The following CLASP2 variants were observed in gnomAD, a reference collection of about 807,000 sequenced individuals.
The protein encoded by CLASP2 is CLIP-associating protein 2.
Under a neutral mutation model 194.4 loss-of-function variants are expected in CLASP2, and 47 were observed. The ratio of observed to expected loss-of-function variants is 0.24; its 90% CI spans 0.19 to 0.31. The LOEUF is 0.31. Among genes scored for constraint, CLASP2 ranks in the 10% least tolerant of loss-of-function variants. The pLI is 1.00. For synonymous variants in CLASP2, 619 were observed against 633.5 expected (o/e 0.98, Z 0.34); for missense variants, 1,445 against 1,823.6 (o/e 0.79, Z 3.78).
Position 33,620,407 on chromosome 3 carries a change from G to A in CLASP2, c.1182-669C>T, listed in dbSNP as rs113774327. Among the ~76,000 whole-genome samples, 980 of 152,266 alleles carry A rather than the reference G, an allele frequency of 6.4e-3. 10 individuals carry two copies. The highest frequency in any genetic ancestry group is 0.022 in the African/African-American group (919 of 41,542). On this transcript the variant is annotated intron_variant, in intron 11 of 38. Coordinates refer to ENST00000682230, the MANE Select transcript of CLASP2 (RefSeq NM_001365631.1). ...AGGAGGGATATTGTAACTACTCAAAGTGCTGACAATGCTTGCAATACTGGT... is the reference window on the plus strand; with the variant it reads ...AGGAGGGATATTGTAACTACTCAAAATGCTGACAATGCTTGCAATACTGGT...
chr3:33,621,544 T>A (rs2077112094), intron 11 of CLASP2, among the ~76,000 whole-genome samples: 1 of 152,184 alleles, frequency 6.6e-6, no homozygotes, highest in Non-Finnish European at 1.5e-5. Flanking sequence ...GCAATCCTTA[T>A]ATTGCCTTTT....
chr3:33,535,394 G>C lies in CLASP2; in HGVS notation c.3626C>G (p.Ala1209Gly), dbSNP rs1249278679. 3.7e-6 allele frequency: 6 copies of C among 1,613,952 alleles called. No homozygotes were observed. Among genetic ancestry groups the C allele is most frequent in the Non-Finnish European group, 3.4e-6 (4 of 1,179,866 alleles). ...GGDATDSSQT[A>G]LDNKASLLHS... is the part of the protein sequence containing the mutation. ...GAGCAATGAAGCTTTATTATCAAGA[G>C]CTGTTTGACTTGAGTCAGTAGCATC... is the stretch of plus-strand genomic sequence containing the variant. The change falls in exon 34 of 39, where the codon GCT (alanine) becomes GGT (glycine). Residue 1209 changes from alanine (A) to glycine (G), a missense_variant. Ala to Gly is a moderately conservative substitution (Grantham distance 60, BLOSUM62 0). Coordinates refer to ENST00000682230, the MANE Select transcript of CLASP2 (RefSeq NM_001365631.1).
Position 33,707,091 on chromosome 3 carries a change from T to C in CLASP2, c.196-10158A>G, listed in dbSNP as rs550607419. Among the ~76,000 whole-genome samples, 6 of 152,238 alleles carry C rather than the reference T, an allele frequency of 3.9e-5. No individual in the cohort carries two copies. In the South Asian group the frequency reaches 1.2e-3, roughly 32 times the overall value. ...CACCACATTGCAGTTTCCAGGCACCTCTTCCCATGAAAAAAAGATCAAGAG... is the reference window on the plus strand; with the variant it reads ...CACCACATTGCAGTTTCCAGGCACCCCTTCCCATGAAAAAAAGATCAAGAG... On this transcript the variant is annotated intron_variant, in intron 1 of 38. Transcript: ENST00000682230.
intron 34 of CLASP2, among the ~76,000 whole-genome samples, chr3:33,522,167 C>T (rs1424218069): frequency 6.6e-6 from 1 of 152,144 alleles, no homozygotes; most frequent in Non-Finnish European, 1.5e-5. Flanking sequence ...AAAGTGACTT[C>T]CAGGGGCTTA....
intron 24 of CLASP2, among the ~76,000 whole-genome samples, chr3:33,574,122 G>A (rs971633463): frequency 2.0e-5 from 3 of 152,074 alleles, no homozygotes; most frequent in Non-Finnish European, 4.4e-5. Flanking sequence ...AGAAAGAATA[G>A]TTTATTTAAG....
At chr3:33,685,840 C>T (rs1395798534) in intron 5 of CLASP2, among the ~76,000 whole-genome samples, 1 of 151,896 alleles carries the variant, frequency 6.6e-6, no homozygotes, top group Admixed American at 6.6e-5. Context: ...TGACGGGGGA[C>T]TGCCAGGGAC....
In CLASP2 at chr3:33,602,844, C is replaced by T. The variant is rs1273799292; in HGVS notation, c.1924+108G>A. ...ATAGAATTATATTAAAACATATGGA[C>T]TATCCTTAAATAACAAGAATGAATA... On this transcript the variant is annotated intron_variant, in intron 18 of 38. Coordinates refer to ENST00000682230, the MANE Select transcript of CLASP2 (RefSeq NM_001365631.1). 3.6e-6 allele frequency: 4 copies of T among 1,125,406 alleles called. No individual in the cohort carries two copies. In the South Asian group the frequency reaches 4.0e-5, roughly 11 times the overall value. 69.7% of individuals were successfully genotyped at this position (1,125,406 alleles called of 1,614,324 possible).
At chr3:33,505,390 A>C (rs961532943) in intron 37 of CLASP2, 1 of 152,200 alleles carries the variant, frequency 6.6e-6, no homozygotes, top group Admixed American at 6.5e-5. Context: ...GCAGTTAGGT[A>C]AGTTTCTTAC....
At chr3:33,614,057 T>C (rs2075684037) in intron 12 of CLASP2, among the ~76,000 whole-genome samples, 1 of 151,976 alleles carries the variant, frequency 6.6e-6, no homozygotes. Flanking sequence ...TTCCTAAAAT[T>C]AAAAAGAGAA....
At chr3:33,534,182 T>G (rs981509866) in intron 34 of CLASP2, among the ~76,000 whole-genome samples, 8 of 152,344 alleles carry the variant, frequency 5.3e-5, no homozygotes, top group Admixed American at 6.5e-5. Context: ...TATCTGTGTA[T>G]AGTTATATAT....
intron 3 of CLASP2, among the ~76,000 whole-genome samples, chr3:33,689,316 G>A (rs2091074206): frequency 6.6e-6 from 1 of 151,364 alleles, no homozygotes; most frequent in South Asian, 2.1e-4. Flanking sequence ...TGTAGTCACA[G>A]AAAGCCAAAA....
intron 30 of CLASP2, among the ~76,000 whole-genome samples, chr3:33,548,029 G>C (rs762524077): frequency 1.3e-5 from 2 of 151,882 alleles, no homozygotes; most frequent in African/African-American, 4.8e-5. Context: ...ACCTGCCTCA[G>C]CCTCCTAAAG....
intron 1 of CLASP2, among the ~76,000 whole-genome samples, chr3:33,701,054 CACACAT>C (rs1559679850): frequency 1.3e-5 from 2 of 152,098 alleles, no homozygotes; most frequent in Non-Finnish European, 2.9e-5. Context: ...ATGGTATATA[CACACAT>C]ACACATACAT....
chr3:33,594,526 A>G (rs2069698694), intron 20 of CLASP2, among the ~76,000 whole-genome samples: 1 of 152,058 alleles, frequency 6.6e-6, no homozygotes, highest in African/African-American at 2.4e-5. Flanking sequence ...TTAAAAGCAG[A>G]CTAAGTAAAT....
chr3:33,716,223 G>A (rs768460962), intron 1 of CLASP2, among the ~76,000 whole-genome samples: 3 of 152,088 alleles, frequency 2.0e-5, no homozygotes, highest in Non-Finnish European at 4.4e-5. Flanking sequence ...AATTGTCTTG[G>A]GCTACATTAT....
chr3:33,671,635 G>A (rs970422638), intron 6 of CLASP2, among the ~76,000 whole-genome samples: 16 of 152,176 alleles, frequency 1.1e-4, no homozygotes, highest in East Asian at 3.8e-4. Context: ...AAAGCAGGGC[G>A]AGGCATTGCC....
intron 13 of CLASP2, among the ~76,000 whole-genome samples, chr3:33,608,963 T>C (rs529653289): frequency 6.6e-6 from 1 of 152,186 alleles, no homozygotes; most frequent in Non-Finnish European, 1.5e-5. Context: ...TCCTCATAAT[T>C]TTAACTTAAA....
intron 28 of CLASP2, among the ~76,000 whole-genome samples, chr3:33,560,201 T>A (rs1376086187): frequency 6.6e-6 from 1 of 152,194 alleles, no homozygotes; most frequent in East Asian, 1.9e-4. Flanking sequence ...GTAGACTAAA[T>A]AAAATCTTCA....
intron 1 of CLASP2, among the ~76,000 whole-genome samples, chr3:33,699,094 C>G (rs936541810): frequency 1.3e-5 from 2 of 152,064 alleles, no homozygotes; most frequent in African/African-American, 2.4e-5. Context: ...GATTAAGATG[C>G]CTTTGATGGG....
Sources: gnomAD v4.1 joint callset for allele counts (sites outside exome capture counted in the v4.1 genomes callset) on GRCh38, gnomAD v4.1.1 for gene constraint, MANE v1.5 for transcripts, NCBI Gene and HGNC (gene_info 2026-07-23, HGNC 2026-07-21) for gene names.